NXPE2: variants seen among roughly 807,000 people sequenced by gnomAD.
The protein encoded by NXPE2 is neurexophilin and PC-esterase domain family member 2.
Under a neutral mutation model 34.4 loss-of-function variants are expected in NXPE2, and 34 were observed. The ratio of observed to expected loss-of-function variants is 0.99; its 90% CI spans 0.75 to 1.31. The LOEUF is 1.31. NXPE2 is among the 40% of genes most tolerant of loss of function. The pLI, the probability that NXPE2 is intolerant of heterozygous loss-of-function variation, is 0.00. For synonymous variants in NXPE2, 235 were observed against 231.3 expected (o/e 1.02, Z -0.15); for missense variants, 649 against 672.5 (o/e 0.97, Z 0.39).
chr11:114,522,449 A>C, the NXPE2 span: 1 of 1,613,018 alleles, frequency 6.2e-7, no homozygotes, highest in Non-Finnish European at 8.5e-7. Flanking sequence ...TTCTGCATCC[A>C]GAAGCAAATG....
the NXPE2 span, among the ~76,000 whole-genome samples, chr11:114,722,808 T>A: frequency 0.02 from 3,055 of 152,266 alleles, 103 homozygotes; most frequent in African/African-American, 0.067. Context: ...AACATAAATG[T>A]GTACAGTTTA....
chr11:114,580,357 G>C, the NXPE2 span: 4 of 1,606,312 alleles, frequency 2.5e-6, no homozygotes, highest in African/African-American at 4.0e-5. Context: ...GAATCAATGA[G>C]ATAGGATCTT....
At chr11:114,724,067 T>C in the NXPE2 span, among the ~76,000 whole-genome samples, 1 of 152,302 alleles carries the variant, frequency 6.6e-6, no homozygotes, top group East Asian at 1.9e-4. Context: ...AAAAATATAA[T>C]GTCAAACTTG....
the NXPE2 span, among the ~76,000 whole-genome samples, chr11:114,775,389 G>A: frequency 6.6e-6 from 1 of 152,188 alleles, no homozygotes. Flanking sequence ...TTGTTAGGGG[G>A]GGCAAGAGGA....
the NXPE2 span, among the ~76,000 whole-genome samples, chr11:114,779,733 A>G: frequency 6.6e-6 from 1 of 152,130 alleles, no homozygotes; most frequent in South Asian, 2.1e-4. Context: ...TCAAGACAGG[A>G]AGGAGGGCTC....
chr11:114,490,428 A>G, the NXPE2 span, among the ~76,000 whole-genome samples: 2 of 152,366 alleles, frequency 1.3e-5, no homozygotes, highest in South Asian at 4.1e-4. Flanking sequence ...AGCTGGAGGC[A>G]TCACGCTACC....
the NXPE2 span, among the ~76,000 whole-genome samples, chr11:114,482,838 T>G: frequency 5.9e-5 from 9 of 152,210 alleles, no homozygotes; most frequent in African/African-American, 2.2e-4. Context: ...GGAGGTGTGG[T>G]TGCCTTGAGA....
chr11:114,596,385 T>A, the NXPE2 span, among the ~76,000 whole-genome samples: 2 of 152,184 alleles, frequency 1.3e-5, no homozygotes, highest in Non-Finnish European at 2.9e-5. Flanking sequence ...CTGCTGGCCC[T>A]GTGGCTCCGT....
the NXPE2 span, among the ~76,000 whole-genome samples, chr11:114,598,514 T>C: frequency 5.9e-5 from 9 of 152,238 alleles, no homozygotes; most frequent in South Asian, 1.7e-3. Flanking sequence ...CCTGGACATA[T>C]AGGCTTTTCC....
the NXPE2 span, among the ~76,000 whole-genome samples, chr11:114,782,970 C>T: frequency 6.6e-6 from 1 of 152,190 alleles, no homozygotes; most frequent in South Asian, 2.1e-4. Context: ...GGAGATTAAA[C>T]CTTATTTTAT....
At chr11:114,584,241 A>C in the NXPE2 span, 1 of 451,968 alleles carries the variant, frequency 2.2e-6, no homozygotes, top group South Asian at 1.8e-5. Flanking sequence ...ATGAGCCTTC[A>C]TACAATGATT....
chr11:114,514,250 G>A, the NXPE2 span, among the ~76,000 whole-genome samples: 1 of 152,112 alleles, frequency 6.6e-6, no homozygotes. Flanking sequence ...GTCTCTCATT[G>A]CTGGACGTAT....
At chr11:114,701,012 C>T (rs1044591098) in intron 3 of NXPE2, among the ~76,000 whole-genome samples, 1 of 152,166 alleles carries the variant, frequency 6.6e-6, no homozygotes, top group Admixed American at 6.5e-5. Context: ...ACTGACCCTA[C>T]ATCACTACAG....
chr11:114,650,669 A>AT, the NXPE2 span, among the ~76,000 whole-genome samples: 1 of 152,174 alleles, frequency 6.6e-6, no homozygotes, highest in African/African-American at 2.4e-5. Context: ...ATATATGCTG[A>AT]TATCAAGCAG....
the NXPE2 span, among the ~76,000 whole-genome samples, chr11:114,670,799 G>T: frequency 6.6e-6 from 1 of 151,814 alleles, no homozygotes; most frequent in Admixed American, 6.6e-5. Flanking sequence ...GAAATATTCA[G>T]TTTTCAACAA....
chr11:114,799,052 A>T, the NXPE2 span, among the ~76,000 whole-genome samples: 1 of 152,262 alleles, frequency 6.6e-6, no homozygotes, highest in Non-Finnish European at 1.5e-5. Context: ...AATGTGGCTT[A>T]TGAAAGCAAG....
At chr11:114,594,509 ATT>A in the NXPE2 span, among the ~76,000 whole-genome samples, 3 of 152,156 alleles carry the variant, frequency 2.0e-5, no homozygotes, top group South Asian at 6.2e-4. Context: ...CCTCTCACAT[ATT>A]GCTTAATGAT....
chr11:114,714,598 G>A, the NXPE2 span, among the ~76,000 whole-genome samples: 5 of 152,172 alleles, frequency 3.3e-5, no homozygotes, highest in East Asian at 1.9e-4. Flanking sequence ...GCCACCTCTC[G>A]GCTCTGCAGT....
chr11:114,764,451 G>A, the NXPE2 span, among the ~76,000 whole-genome samples: 1 of 151,226 alleles, frequency 6.6e-6, no homozygotes, highest in African/African-American at 2.4e-5. Context: ...AGGAAAGAGA[G>A]GCTTCTGTGT....
Sources: gnomAD v4.1 joint callset for allele counts (sites outside exome capture counted in the v4.1 genomes callset) on GRCh38, gnomAD v4.1.1 for gene constraint, MANE v1.5 for transcripts, NCBI Gene and HGNC (gene_info 2026-07-23, HGNC 2026-07-21) for gene names.